The following THOC2 variants were observed in gnomAD, a reference collection of about 807,000 sequenced individuals.
THOC2 encodes the protein THO complex 2.
In THOC2, 10 loss-of-function variants were observed where a neutral mutation model predicts 128.4. That is an observed-to-expected ratio of 0.08 (90% confidence interval 0.05 to 0.13). THOC2 has a LOEUF of 0.13. THOC2 is among the 10% of genes least tolerant of loss of function. The pLI is 1.00. For synonymous variants in THOC2, 393 were observed against 396.9 expected (o/e 0.99, Z 0.12); for missense variants, 535 against 1,155.7 (o/e 0.46, Z 7.79).
chrX:123,655,645 A>G (rs2048538738), intron 12 of THOC2, among the ~76,000 whole-genome samples: 1 of 111,534 alleles, frequency 9.0e-6, no homozygotes, highest in African/African-American at 3.3e-5. Flanking sequence ...GAACAAGGAC[A>G]TGCCGCCATA....
At chrX:123,700,507 C>A (rs999483140) in intron 4 of THOC2, among the ~76,000 whole-genome samples, 1 of 16,225 alleles carries the variant, frequency 6.2e-5, no homozygotes, top group Non-Finnish European at 1.1e-4. Flanking sequence ...ATTCTCGGGG[C>A]GGGGCTGGGG....
At chrX:123,691,203 C>T (rs977891412) in intron 7 of THOC2, among the ~76,000 whole-genome samples, 1 of 111,530 alleles carries the variant, frequency 9.0e-6, no homozygotes, top group African/African-American at 3.3e-5. Context: ...CAGAGCCAGA[C>T]CCTGTCTCAA....
Position 123,644,882 on chromosome X carries a change from T to C in THOC2, c.1456A>G (p.Ile486Val). 2 of 1,206,234 alleles carry C rather than the reference T, an allele frequency of 1.7e-6. No homozygotes were observed. Among genetic ancestry groups the C allele is most frequent in the Non-Finnish European group, 2.2e-6 (2 of 892,390 alleles). Residue 486 changes from isoleucine to valine, a missense_variant, in exon 14 of 39, where the codon ATT becomes GTT. Ile to Val is a conservative substitution (Grantham distance 29). This residue lies in a region of THOC2 where 197 missense variants were observed against 313.4 expected (regional missense o/e 0.63). Transcript: ENST00000245838. ...GATGGAAGTAGTACCTGGTCAGTAA[T>C]GCTAAGCAAACAGCTAAGGATAACT... is the stretch of plus-strand genomic sequence containing the variant. ...TEVILSCLLS[I>V]TDQVLLPSLS...
Position 123,623,157 on chromosome X carries a change from T to C in THOC2, c.3630A>G (p.Ser1210=), listed in dbSNP as rs377689906. Reference sequence around the variant, plus strand: ...ATTTAGATGCACTTCCTATTGATGATGAAGAAGGCCCACCACCAGGCCCAT... The same window carrying C: ...ATTTAGATGCACTTCCTATTGATGACGAAGAAGGCCCACCACCAGGCCCAT... ...VQNGPGGGPS[S]SSIGSASKSD... The change falls in exon 29 of 39, where the codon TCA becomes TCG. Residue 1210 remains serine, a synonymous_variant. Transcript: ENST00000245838. 1.3e-4 allele frequency: 156 copies of C among 1,209,948 alleles called. No homozygotes were observed. Among genetic ancestry groups the C allele is most frequent in the Non-Finnish European group, 1.6e-4 (143 of 895,125 alleles).
chrX:123,633,921 A>G, intron 20 of THOC2, 32 bp downstream of exon 20: 1 of 944,143 alleles, frequency 1.1e-6, no homozygotes, highest in Non-Finnish European at 1.5e-6. Flanking sequence ...TATGAATTTT[A>G]AAAGTTGATG....
chrX:123,629,401 T>A (rs1424298840), intron 22 of THOC2, among the ~76,000 whole-genome samples: 1 of 110,520 alleles, frequency 9.0e-6, no homozygotes, highest in Non-Finnish European at 1.9e-5. Context: ...CTTCCTTACG[T>A]TAGAAAATCA....
intron 10 of THOC2, among the ~76,000 whole-genome samples, chrX:123,667,609 A>G (rs992589504): frequency 1.8e-5 from 2 of 110,806 alleles, no homozygotes; most frequent in Admixed American, 1.9e-4. Context: ...GTGGTGGCGC[A>G]TGCCTGTAGT....
chrX:123,678,417 C>A (rs933401300), intron 8 of THOC2, among the ~76,000 whole-genome samples: 1 of 109,304 alleles, frequency 9.1e-6, no homozygotes, highest in Non-Finnish European at 1.9e-5. Flanking sequence ...AGGTCTGCAC[C>A]ACCAAGCCCA....
intron 38 of THOC2, chrX:123,603,060 C>G (rs2046341572): frequency 1.9e-5 from 2 of 107,613 alleles, no homozygotes. Context: ...TGAATTTTAT[C>G]TCAATTGTTT....
intron 15 of THOC2, among the ~76,000 whole-genome samples, chrX:123,642,815 A>G (rs1047475821): frequency 9.0e-6 from 1 of 110,853 alleles, no homozygotes; most frequent in Admixed American, 9.7e-5. Flanking sequence ...AAGGATAAAT[A>G]AGAGACTAAA....
At chrX:123,639,580 G>GT in intron 16 of THOC2, among the ~76,000 whole-genome samples, 1 of 111,318 alleles carries the variant, frequency 9.0e-6, no homozygotes, top group East Asian at 2.8e-4. Context: ...ACTGATTTTT[G>GT]TATGTTGATT....
At chrX:123,613,257 C>G in intron 36 of THOC2, 142 bp downstream of exon 36, 12 of 554,201 alleles carry the variant, frequency 2.2e-5, no homozygotes, top group South Asian at 3.2e-5. Context: ...AAACGGAATG[C>G]CCTCCCTCAA....
intron 1 of THOC2, among the ~76,000 whole-genome samples, chrX:123,717,715 A>T (rs2051490676): frequency 9.3e-6 from 1 of 107,865 alleles, no homozygotes; most frequent in Admixed American, 1.0e-4. Flanking sequence ...AAAAACCAAT[A>T]GCCAAGGCAA....
chrX:123,640,648 G>A (rs372920594), intron 15 of THOC2, 26 bp from the exon 16 acceptor site: 20 of 944,458 alleles, frequency 2.1e-5, no homozygotes, highest in African/African-American at 1.2e-4. Flanking sequence ...AAGGTGGCAC[G>A]GATCATCTTA....
intron 7 of THOC2, among the ~76,000 whole-genome samples, chrX:123,690,303 T>C (rs1457284272): frequency 8.9e-6 from 1 of 111,776 alleles, no homozygotes; most frequent in Admixed American, 9.6e-5. Flanking sequence ...TTATCTTGTT[T>C]GTGGTATTTT....
rs536340715 is a variant in THOC2 at position 123,655,182 on chromosome X, T to C, written c.1387-9807A>G. Among the ~76,000 whole-genome samples the C allele has an allele frequency of 3.4e-4, 38 of 111,865 alleles. 1 individual carries two copies. The South Asian group carries it at 0.014, about 40-fold the overall frequency. ...TCCTTCTTCTCATTCTTACTACAAT[T>C]TATTTAGTACTCACTATGTGCCACG... On this transcript the variant is annotated intron_variant, in intron 12 of 38. Coordinates refer to ENST00000245838, the MANE Select transcript of THOC2 (RefSeq NM_001081550.2).
In THOC2 at chrX:123,626,427, T is replaced by C; in HGVS notation, c.2899+94A>G. ...TGGGATAGGGAACACTGAGTTGAAA[T>C]ACAAACATAATACACTTTAACACCT... On this transcript the variant is annotated intron_variant, in intron 24 of 38. Transcript: ENST00000245838. The C allele has an allele frequency of 5.4e-6, 5 of 929,994 alleles. No individual in the cohort carries two copies. In the South Asian group the frequency reaches 1.4e-4, roughly 25 times the overall value. 76.6% of individuals were successfully genotyped at this position (929,994 alleles called of 1,213,427 possible).
At chrX:123,604,991 G>C (rs988091548) in intron 38 of THOC2, among the ~76,000 whole-genome samples, 1 of 112,221 alleles carries the variant, frequency 8.9e-6, no homozygotes, top group Non-Finnish European at 1.9e-5. Flanking sequence ...AAGGAAGAAA[G>C]AAGTTATGAG....
At chrX:123,723,316 A>G (rs2051789345) in intron 1 of THOC2, among the ~76,000 whole-genome samples, 2 of 112,190 alleles carry the variant, frequency 1.8e-5, no homozygotes, top group African/African-American at 6.5e-5. Flanking sequence ...CATAGTGACA[A>G]TGTGAAACAA....
Sources: gnomAD v4.1 joint callset for allele counts (sites outside exome capture counted in the v4.1 genomes callset) on GRCh38, gnomAD v4.1.1 for gene constraint, gnomAD v4.1.1 regional missense constraint, MANE v1.5 for transcripts, NCBI Gene and HGNC (gene_info 2026-07-23, HGNC 2026-07-21) for gene names.